The following PXDNL variants were observed in gnomAD, a reference collection of about 807,000 sequenced individuals.
The protein encoded by PXDNL is probable oxidoreductase PXDNL.
Under a neutral mutation model 150.8 loss-of-function variants are expected in PXDNL, and 145 were observed. That is an observed-to-expected ratio of 0.96 (90% CI 0.84 to 1.10). The LOEUF (loss-of-function observed/expected upper bound fraction) is 1.10. PXDNL is among the 50% of genes least tolerant of loss of function. The pLI is 0.00. For missense variants in PXDNL, 2,087 were observed against 1,873.9 expected (o/e 1.11, Z -2.10); for synonymous variants, 757 against 725.7 (o/e 1.04, Z -0.69).
chr8:51,649,649 C>G (rs1007587275), intron 2 of PXDNL, among the ~76,000 whole-genome samples: 1 of 152,102 alleles, frequency 6.6e-6, no homozygotes, highest in Non-Finnish European at 1.5e-5. Context: ...GGGGGGGAGT[C>G]TGTAATATAT....
intron 17 of PXDNL, among the ~76,000 whole-genome samples, chr8:51,390,445 C>T (rs1175397007): frequency 6.6e-5 from 10 of 152,146 alleles, no homozygotes; most frequent in Non-Finnish European, 1.5e-5. Flanking sequence ...ATTTTCAGCA[C>T]ATTTTCTGAA....
rs60659791 is a variant in PXDNL at position 51,565,282 on chromosome 8, CTAAATAAA to C, written c.309-8379_309-8372del. Among the ~76,000 whole-genome samples the C allele has an allele frequency of 9.3e-3, 1,237 of 132,548 alleles. 10 individuals carry two copies. The highest frequency in any genetic ancestry group is 0.025 in the African/African-American group (924 of 36,556). The allele number at this position is 132,548 out of a possible 152,430, so 87.0% of individuals were successfully genotyped here. On this transcript the variant is annotated intron_variant, in intron 3 of 22. Transcript: ENST00000356297. ...CCCTTCAGCTGCAATATATCTTTTCCTAAATAAATAAATAAATAAATAAATAAATAAAT... is the reference window on the plus strand; with the variant it reads ...CCCTTCAGCTGCAATATATCTTTTCCTAAATAAATAAATAAATAAATAAAT...
At chr8:51,403,267 A>G (rs1808323838) in intron 17 of PXDNL, among the ~76,000 whole-genome samples, 1 of 152,200 alleles carries the variant, frequency 6.6e-6, no homozygotes, top group South Asian at 2.1e-4. Context: ...AGATTTCCTG[A>G]GCTCTTGGTA....
chr8:51,758,358 C>T (rs915245186), intron 1 of PXDNL, among the ~76,000 whole-genome samples: 4 of 152,114 alleles, frequency 2.6e-5, no homozygotes, highest in Admixed American at 6.5e-5. Flanking sequence ...GAGTAATTCC[C>T]GACCATATTT....
intron 3 of PXDNL, among the ~76,000 whole-genome samples, chr8:51,557,481 T>C (rs904263187): frequency 6.6e-6 from 1 of 152,132 alleles, no homozygotes; most frequent in African/African-American, 2.4e-5. Flanking sequence ...ATATGAGCAC[T>C]TTCTCCATCG....
chr8:51,391,333 G>A (rs1378839109), intron 17 of PXDNL, among the ~76,000 whole-genome samples: 3 of 152,052 alleles, frequency 2.0e-5, no homozygotes, highest in South Asian at 4.1e-4. Flanking sequence ...TTCCACAATG[G>A]TTGAACTAGT....
rs2130118287 is a variant in PXDNL at position 51,475,097 on chromosome 8, C to T, written c.569G>A (p.Trp190Ter). The T allele has an allele frequency of 6.2e-7, 1 of 1,613,930 alleles. No homozygotes were observed. Among genetic ancestry groups the T allele is most frequent in the East Asian group, 2.2e-5 (1 of 44,878 alleles). The change falls in exon 7 of 23, where the codon TGG (tryptophan) becomes TAG (stop). Residue 190 changes from tryptophan (W) to a stop codon, truncating the protein, a stop_gained. Transcript: ENST00000356297. LOFTEE classifies it high-confidence loss of function. ...NALVCDCDLM[W>*]LGELLQGFAQ... ...AAAGCCTTGTAAAAGCTCCCCCAGCCACATCAGATCACAGTCACAAACCAG... is the reference window on the plus strand; with the variant it reads ...AAAGCCTTGTAAAAGCTCCCCCAGCTACATCAGATCACAGTCACAAACCAG...
chr8:51,530,026 A>C (rs1218175830), intron 4 of PXDNL, among the ~76,000 whole-genome samples: 1 of 152,150 alleles, frequency 6.6e-6, no homozygotes, highest in Non-Finnish European at 1.5e-5. Flanking sequence ...GTGAGGAAGC[A>C]CTCATCTAGG....
chr8:51,726,227 A>G (rs4272368), intron 1 of PXDNL, among the ~76,000 whole-genome samples: 147,504 of 152,298 alleles, frequency 0.97, 71,608 homozygotes, highest in East Asian at 1. Context: ...GGGAGCAGGA[A>G]TGAGTCCCAT....
intron 1 of PXDNL, among the ~76,000 whole-genome samples, chr8:51,675,662 A>G (rs1351880803): frequency 4.0e-5 from 6 of 151,742 alleles, no homozygotes; most frequent in African/African-American, 1.5e-4. Context: ...GTGCAGTGAC[A>G]TGTGCCTGTA....
At chr8:51,471,142 A>T (rs1304995174) in intron 8 of PXDNL, among the ~76,000 whole-genome samples, 1 of 133,966 alleles carries the variant, frequency 7.5e-6, no homozygotes, top group Non-Finnish European at 1.5e-5. Context: ...AAATTTACAA[A>T]AAAAAAAAAA....
chr8:51,704,669 A>C (rs564086257), intron 1 of PXDNL, among the ~76,000 whole-genome samples: 17 of 152,180 alleles, frequency 1.1e-4, no homozygotes, highest in Non-Finnish European at 2.5e-4. Context: ...AATTTTAGCC[A>C]ATGTGGAGGA....
intron 1 of PXDNL, among the ~76,000 whole-genome samples, chr8:51,723,605 C>T (rs1484947209): frequency 6.6e-6 from 1 of 152,182 alleles, no homozygotes; most frequent in Non-Finnish European, 1.5e-5. Flanking sequence ...GTCACAGAGA[C>T]CTGGGAGGGC....
At chr8:51,710,250 T>C (rs1164864430) in intron 1 of PXDNL, among the ~76,000 whole-genome samples, 2 of 152,196 alleles carry the variant, frequency 1.3e-5, no homozygotes, top group East Asian at 3.8e-4. Context: ...TAGAAGCAAA[T>C]AGATTTCTCC....
chr8:51,341,923 T>C (rs1805994606), intron 20 of PXDNL, among the ~76,000 whole-genome samples: 1 of 152,182 alleles, frequency 6.6e-6, no homozygotes, highest in African/African-American at 2.4e-5. Context: ...AACATGGAAC[T>C]ACCATTTCAT....
At chr8:51,475,248 C>A in intron 6 of PXDNL, 107 bp from the exon 7 acceptor site, 1 of 1,088,140 alleles carries the variant, frequency 9.2e-7, no homozygotes, top group South Asian at 1.7e-5. Context: ...TTGTCTGTTA[C>A]ATTTTTGACT....
chr8:51,530,068 T>C (rs114234053), intron 4 of PXDNL, among the ~76,000 whole-genome samples: 2,063 of 152,148 alleles, frequency 0.014, 25 homozygotes, highest in African/African-American at 0.03. Context: ...TGGATATAGG[T>C]TGAAGATAAA....
chr8:51,357,362 C>A lies in PXDNL; in HGVS notation c.3902-11415G>T, dbSNP rs114509901. On this transcript the variant is annotated intron_variant, in intron 19 of 22. Coordinates refer to ENST00000356297, the MANE Select transcript of PXDNL (RefSeq NM_144651.5). Reference sequence around the variant, plus strand: ...TGCCATGTTTCCACATTCTCTGGTACTACTGATGGCAGTTCCTGTGCAAAT... The same window carrying A: ...TGCCATGTTTCCACATTCTCTGGTAATACTGATGGCAGTTCCTGTGCAAAT... 5.9e-3 allele frequency among the ~76,000 whole-genome samples: 904 copies of A among 152,320 alleles called. 9 individuals are homozygous for A. The highest frequency in any genetic ancestry group is 0.02 in the African/African-American group (835 of 41,566).
intron 17 of PXDNL, among the ~76,000 whole-genome samples, chr8:51,401,423 C>A (rs959685825): frequency 1.3e-5 from 2 of 152,116 alleles, no homozygotes; most frequent in Non-Finnish European, 2.9e-5. Context: ...GCAGCAGAGA[C>A]TAGAGATGAA....
Sources: gnomAD v4.1 joint callset for allele counts (sites outside exome capture counted in the v4.1 genomes callset) on GRCh38, gnomAD v4.1.1 for gene constraint, MANE v1.5 for transcripts, NCBI Gene and HGNC (gene_info 2026-07-23, HGNC 2026-07-21) for gene names.